BMAL2: variants seen among roughly 807,000 people sequenced by gnomAD.
BMAL2 encodes basic helix-loop-helix ARNT-like protein 2.
chr12:27,350,994 C>CCCCCTTTT, the BMAL2 span, among the ~76,000 whole-genome samples: 8 of 94,274 alleles, frequency 8.5e-5, no homozygotes, highest in African/African-American at 1.7e-4. Flanking sequence ...CCCACCCCCC[C>CCCCCTTTT]TTTTTTTTTT....
chr12:27,387,464 G>C, the BMAL2 span: 1 of 623,928 alleles, frequency 1.6e-6, no homozygotes, highest in Non-Finnish European at 2.8e-6. Context: ...GAGATGGAAA[G>C]CTGTGTGGAA....
At chr12:27,414,723 G>C in the BMAL2 span, among the ~76,000 whole-genome samples, 8 of 152,168 alleles carry the variant, frequency 5.3e-5, no homozygotes, top group East Asian at 5.8e-4. Flanking sequence ...TACACCTCCA[G>C]AAACTAGAAA....
At chr12:27,423,925 A>G in the BMAL2 span, 2 of 152,196 alleles carry the variant, frequency 1.3e-5, no homozygotes, top group Admixed American at 6.5e-5. Context: ...AGCACTTGCA[A>G]TGTGGCTAGT....
At chr12:27,333,248 G>T in the BMAL2 span, 61 of 850,514 alleles carry the variant, frequency 7.2e-5, 1 homozygote, top group South Asian at 3.2e-3. Context: ...CATCGCCTCC[G>T]AGGGGCGGTG....
the BMAL2 span, among the ~76,000 whole-genome samples, chr12:27,361,829 A>T: frequency 2.0e-5 from 3 of 152,152 alleles, no homozygotes; most frequent in African/African-American, 7.2e-5. Flanking sequence ...TTCTACTGAC[A>T]TAGAGTCAAT....
the BMAL2 span, among the ~76,000 whole-genome samples, chr12:27,400,029 A>G: frequency 5.3e-5 from 8 of 152,110 alleles, no homozygotes; most frequent in African/African-American, 1.7e-4. Context: ...TGTTTCTATA[A>G]TCTATTATAA....
chr12:27,411,096 A>C, the BMAL2 span, among the ~76,000 whole-genome samples: 1 of 152,100 alleles, frequency 6.6e-6, no homozygotes, highest in African/African-American at 2.4e-5. Flanking sequence ...TCTATATCTT[A>C]AACATTGTAG....
At chr12:27,376,409 G>A in the BMAL2 span, 1 of 1,611,164 alleles carries the variant, frequency 6.2e-7, no homozygotes, top group South Asian at 1.1e-5. Context: ...TTGTTGAGAT[G>A]GTACATGGTG....
chr12:27,414,435 T>C, the BMAL2 span, among the ~76,000 whole-genome samples: 3 of 152,172 alleles, frequency 2.0e-5, no homozygotes, highest in Non-Finnish European at 4.4e-5. Context: ...TTTAAGAGCA[T>C]GGAAGTCCTA....
the BMAL2 span, among the ~76,000 whole-genome samples, chr12:27,338,830 C>T: frequency 2.6e-5 from 4 of 152,168 alleles, no homozygotes; most frequent in African/African-American, 4.8e-5. Context: ...GTAAGAAAGC[C>T]GGAAAGCTCA....
the BMAL2 span, among the ~76,000 whole-genome samples, chr12:27,352,457 TCATACTGAA>T: frequency 6.6e-6 from 1 of 152,142 alleles, no homozygotes; most frequent in Non-Finnish European, 1.5e-5. Flanking sequence ...TCAGCCAACA[TCATACTGAA>T]CAGGCAAATG....
chr12:27,394,694 A>G, the BMAL2 span: 1 of 152,214 alleles, frequency 6.6e-6, no homozygotes, highest in Non-Finnish European at 1.5e-5. Context: ...TGTGGACTGA[A>G]TTGTCCCCCC....
the BMAL2 span, among the ~76,000 whole-genome samples, chr12:27,338,465 G>A: frequency 1.3e-5 from 2 of 151,106 alleles, no homozygotes; most frequent in Non-Finnish European, 3.0e-5. Context: ...TCTTGGAGAG[G>A]CAGCCAAAAA....
chr12:27,341,630 A>G, the BMAL2 span, among the ~76,000 whole-genome samples: 3 of 152,326 alleles, frequency 2.0e-5, no homozygotes, highest in Non-Finnish European at 2.9e-5. Context: ...TTCCACATTT[A>G]TTCGGCATAA....
chr12:27,400,847 C>A, the BMAL2 span: 1 of 1,327,634 alleles, frequency 7.5e-7, no homozygotes. Flanking sequence ...GTCTTAGTAG[C>A]ACTGCTAGTT....
the BMAL2 span, chr12:27,390,090 C>G: frequency 6.2e-7 from 1 of 1,613,328 alleles, no homozygotes; most frequent in Non-Finnish European, 8.5e-7. Flanking sequence ...CCCTTCTGCA[C>G]GAAAGCTGGT....
the BMAL2 span, among the ~76,000 whole-genome samples, chr12:27,398,122 C>G: frequency 6.6e-6 from 1 of 152,202 alleles, no homozygotes; most frequent in Non-Finnish European, 1.5e-5. Context: ...TTTCCTGGGA[C>G]CACCCCTCAA....
chr12:27,393,720 A>G, the BMAL2 span, among the ~76,000 whole-genome samples: 1 of 152,196 alleles, frequency 6.6e-6, no homozygotes, highest in Non-Finnish European at 1.5e-5. Context: ...CAGTTTATTG[A>G]GTGTGTACTA....
the BMAL2 span, among the ~76,000 whole-genome samples, chr12:27,367,425 AC>A: frequency 6.6e-6 from 1 of 152,200 alleles, no homozygotes; most frequent in Non-Finnish European, 1.5e-5. Flanking sequence ...AACTGAAACC[AC>A]AGAAGGCAAA....
Sources: gnomAD v4.1 joint callset for allele counts (sites outside exome capture counted in the v4.1 genomes callset) on GRCh38, gnomAD v4.1.1 for gene constraint, MANE v1.5 for transcripts, NCBI Gene and HGNC (gene_info 2026-07-23, HGNC 2026-07-21) for gene names.